MATK: variants seen among roughly 807,000 people sequenced by gnomAD.
MATK encodes the protein megakaryocyte-associated tyrosine-protein kinase.
MATK carries 41 observed loss-of-function variants against 59.8 expected under a neutral mutation model. The ratio of observed to expected loss-of-function variants is 0.69; its 90% CI spans 0.53 to 0.89. The LOEUF (loss-of-function observed/expected upper bound fraction) is 0.89. Among genes scored for constraint, MATK ranks in the 40% least tolerant of loss-of-function variants. The pLI, the probability that MATK is intolerant of heterozygous loss-of-function variation, is 0.00. For missense variants in MATK, 593 were observed against 719.6 expected (o/e 0.82, Z 2.01); for synonymous variants, 308 against 306.1 (o/e 1.01, Z -0.06).
chr19:3,781,776 G>T, intron 7 of MATK, 104 bp from the exon 8 acceptor site: 1 of 897,130 alleles, frequency 1.1e-6, no homozygotes, highest in Non-Finnish European at 1.8e-6. Flanking sequence ...CAGTGCTGCA[G>T]CTGTGGATAC....
In MATK at chr19:3,785,130, C is replaced by T. The variant is rs749025662; in HGVS notation, c.6G>A (p.Ala2=). The T allele has an allele frequency of 8.1e-6, 13 of 1,613,968 alleles. No individual in the cohort carries two copies. Among genetic ancestry groups the T allele is most frequent in the East Asian group, 2.2e-5 (1 of 44,874 alleles). ...GCCAGGAAACCAGAGAGCCTCGCCC[C>T]GCCATCGCCCCCAGAGGGAAACTGA... M[A]GRGSLVSWRA... Residue 2 remains alanine, a synonymous_variant, in exon 2 of 14, where the codon GCG becomes GCA. Coordinates refer to ENST00000310132, the MANE Select transcript of MATK (RefSeq NM_139355.3).
intron 1 of MATK, among the ~76,000 whole-genome samples, chr19:3,796,688 G>A (rs930287860): frequency 6.6e-6 from 1 of 151,894 alleles, no homozygotes; most frequent in Non-Finnish European, 1.5e-5. Context: ...TCTCTTCTTC[G>A]GCACAAGGGG....
chr19:3,789,023 A>C (rs1454004069), upstream of MATK, among the ~76,000 whole-genome samples: 1 of 151,974 alleles, frequency 6.6e-6, no homozygotes, highest in Non-Finnish European at 1.5e-5. Context: ...TGGGGTTGTA[A>C]TTTACTATTA....
chr19:3,779,379 G>C lies in MATK; in HGVS notation c.1000C>G (p.Leu334Val). ...CAGCACCCTGAGAGTCCCACTTACA[G>C]AGAAAACTGCAGGAGCTGAGCGGTG... ...VNTAQLLQFS[L>V]HVAEGMEYLE... Residue 334 changes from leucine to valine, a missense_variant and splice_region_variant, in exon 11 of 14, where the codon CTG becomes GTG. Physicochemically the swap from Leu to Val is conservative, Grantham distance 32. Transcript: ENST00000310132. The C allele has an allele frequency of 6.2e-7, 1 of 1,613,274 alleles. No homozygotes were observed. The highest frequency in any genetic ancestry group is 8.5e-7 in the Non-Finnish European group (1 of 1,179,992).
At chr19:3,779,500 G>C in intron 10 of MATK, 33 bp downstream of exon 10, 1 of 1,610,096 alleles carries the variant, frequency 6.2e-7, no homozygotes, top group Non-Finnish European at 8.5e-7. Flanking sequence ...GCTCCGCTGC[G>C]TGGGCCCCCT....
chr19:3,781,730 G>A (rs181737915), intron 7 of MATK, 58 bp from the exon 8 acceptor site: 23 of 1,351,662 alleles, frequency 1.7e-5, no homozygotes, highest in East Asian at 2.3e-5. Context: ...TCCCATTGGG[G>A]GTTCTACTTG....
chr19:3,786,033 C>T lies in MATK; in HGVS notation c.-152+136G>A. On this transcript the variant is annotated intron_variant, in intron 1 of 13. Coordinates refer to ENST00000310132, the MANE Select transcript of MATK (RefSeq NM_139355.3). This position sits in a 1 kb window ranked among gnomAD's most constrained non-coding sequence, Gnocchi z 4.1. The stretch of plus-strand genomic sequence containing the variant: ...CCGCCCCAGCCGCGCACCCGCTGCG[C>T]GCCCGGGACGCGCACACTCGCGCAC... The T allele has an allele frequency of 4.0e-6, 1 of 247,248 alleles. No homozygotes were observed. The highest frequency in any genetic ancestry group is 6.4e-6 in the Non-Finnish European group (1 of 155,050). 15.3% of individuals were successfully genotyped at this position (247,248 alleles called of 1,614,324 possible).
chr19:3,782,482 G>C (rs1008997913), intron 7 of MATK, among the ~76,000 whole-genome samples: 6 of 152,200 alleles, frequency 3.9e-5, no homozygotes, highest in African/African-American at 1.4e-4. Context: ...ACTACTTAGG[G>C]GCTGGAAAAG....
At chr19:3,788,604 G>A (rs2037512016), upstream of MATK, among the ~76,000 whole-genome samples, 1 of 125,124 alleles carries the variant, frequency 8.0e-6, no homozygotes, top group South Asian at 3.1e-4. Context: ...GGGCAACAGA[G>A]TGAGACTCTG....
chr19:3,795,902 C>T (rs1183480734), intron 1 of MATK, among the ~76,000 whole-genome samples: 2 of 151,730 alleles, frequency 1.3e-5, no homozygotes, highest in African/African-American at 2.4e-5. Flanking sequence ...GCTAGGATTA[C>T]AGGCACGCGC....
chr19:3,798,808 G>A (rs1423098516), intron 1 of MATK, among the ~76,000 whole-genome samples: 4 of 151,482 alleles, frequency 2.6e-5, no homozygotes, highest in East Asian at 1.9e-4. Context: ...CACCGTGCCC[G>A]GCCTGTTTTT....
chr19:3,798,550 T>C (rs2037615662), intron 1 of MATK, among the ~76,000 whole-genome samples: 2 of 152,344 alleles, frequency 1.3e-5, no homozygotes, highest in Admixed American at 6.5e-5. Context: ...TTTGCTCTTA[T>C]TGCCCAGGCT....
chr19:3,782,937 C>A, intron 7 of MATK, 189 bp downstream of exon 7: 1 of 578,898 alleles, frequency 1.7e-6, no homozygotes, highest in Non-Finnish European at 3.1e-6. Flanking sequence ...AAGCTGGGGA[C>A]CTATTGAATA....
Position 3,779,848 on chromosome 19 carries a change from G to A in MATK, c.743-51C>T, listed in dbSNP as rs769815672. ...GTGAGATCAGGACCCCCAACAAACA[G>A]GGACAGAGAGACAGACGGACAGGCC... is the stretch of plus-strand genomic sequence containing the variant. On this transcript the variant is annotated intron_variant, in intron 8 of 13. Transcript: ENST00000310132. The A allele has an allele frequency of 2.7e-6, 3 of 1,114,996 alleles. No individual in the cohort carries two copies. The Admixed American group carries it at 5.1e-5, about 19-fold the overall frequency. 69.1% of individuals were successfully genotyped at this position (1,114,996 alleles called of 1,614,324 possible).
Position 3,779,017 on chromosome 19 carries a change from GTC to G in MATK, c.1170_1171del (p.Trp390CysfsTer37). On this transcript the variant is annotated frameshift_variant, in exon 12 of 14. Coordinates refer to ENST00000310132, the MANE Select transcript of MATK (RefSeq NM_139355.3). LOFTEE classifies it high-confidence loss of function. ...CCCGTGTTTGAGAGCCTCGGGCGCC[GTC>G]CACTTGACGGGCAGCCGGCTTGAGT... 1 of 1,580,594 alleles carries G rather than the reference GTC, an allele frequency of 6.3e-7. No homozygotes were observed. Among genetic ancestry groups the G allele is most frequent in the Non-Finnish European group, 8.6e-7 (1 of 1,165,830 alleles).
At chr19:3,785,011 T>C (rs2037460364) in intron 2 of MATK, 53 bp downstream of exon 2, 2 of 1,572,300 alleles carry the variant, frequency 1.3e-6, no homozygotes, top group East Asian at 2.2e-5. Context: ...AGAGGCATCC[T>C]GGATGGGACC....
chr19:3,779,186 G>A lies in MATK; in HGVS notation c.1003C>T (p.His335Tyr). Residue 335 changes from histidine (H) to tyrosine (Y), a missense_variant and splice_region_variant, in exon 12 of 14, where the codon CAC becomes TAC. Transcript: ENST00000310132. Reference protein sequence around the residue: ...NTAQLLQFSLHVAEGMEYLES... With the variant: ...NTAQLLQFSLYVAEGMEYLES... ...AGGTACTCCATGCCCTCGGCCACGTGCCTGGGGGTAGTAGGGGGCAGTGGG... is the reference window on the plus strand; with the variant it reads ...AGGTACTCCATGCCCTCGGCCACGTACCTGGGGGTAGTAGGGGGCAGTGGG... The A allele has an allele frequency of 6.3e-7, 1 of 1,584,534 alleles. No homozygotes were observed. Among genetic ancestry groups the A allele is most frequent in the Non-Finnish European group, 8.6e-7 (1 of 1,164,616 alleles).
intron 1 of MATK, among the ~76,000 whole-genome samples, chr19:3,795,538 G>A (rs2145115707): frequency 6.6e-6 from 1 of 151,992 alleles, no homozygotes; most frequent in Middle Eastern, 3.4e-3. Context: ...AAAGTGCTGG[G>A]ATTACAGATA....
chr19:3,797,782 C>G (rs2037609488), intron 1 of MATK, among the ~76,000 whole-genome samples: 1 of 152,070 alleles, frequency 6.6e-6, no homozygotes, highest in Non-Finnish European at 1.5e-5. Flanking sequence ...TGGCTCACAC[C>G]TGTAATCCCA....
Sources: allele counts gnomAD v4.1 joint callset (sites outside exome capture counted in the v4.1 genomes callset), GRCh38; gene constraint gnomAD v4.1.1; non-coding constraint Gnocchi (gnomAD v3.1); transcripts MANE v1.5; gene names NCBI Gene and HGNC (gene_info 2026-07-23, HGNC 2026-07-21).